The following RBPJ variants were observed in gnomAD, a reference collection of about 807,000 sequenced individuals.
The protein encoded by RBPJ is recombining binding protein suppressor of hairless.
RBPJ carries 9 observed loss-of-function variants against 67.8 expected under a neutral mutation model. The observed-to-expected ratio is 0.13, with a 90% CI of 0.08 to 0.23. The LOEUF (loss-of-function observed/expected upper bound fraction) is 0.23, where lower values mean the gene tolerates loss of function less well. Among genes scored for constraint, RBPJ ranks in the 10% least tolerant of loss-of-function variants. The pLI is 1.00. For missense variants in RBPJ, 305 were observed against 595.6 expected (o/e 0.51, Z 5.08); for synonymous variants, 198 against 203.3 (o/e 0.97, Z 0.22).
chr4:26,231,632 G>T lies in RBPJ; in HGVS notation c.-167+68018G>T, dbSNP rs570192818. Among the ~76,000 whole-genome samples, 8 of 151,730 alleles carry T rather than the reference G, an allele frequency of 5.3e-5. No individual in the cohort carries two copies. The South Asian group carries it at 1.3e-3, about 24-fold the overall frequency. On this transcript the variant is annotated intron_variant, in intron 1 of 4. Transcript: ENST00000512351. Reference sequence around the variant, plus strand: ...TCACCATGTTGGCCAGGCTAGTCTCGAATGCCTGACCTCAAGTGATCTGCC... The same window carrying T: ...TCACCATGTTGGCCAGGCTAGTCTCTAATGCCTGACCTCAAGTGATCTGCC...
At position 26,233,596 on chromosome 4, in the gene RBPJ, T is replaced by C. The variant is rs184959927; in HGVS notation, c.-167+69982T>C. Among the ~76,000 whole-genome samples the C allele has an allele frequency of 2.0e-5, 3 of 152,342 alleles. No homozygotes were observed. In the East Asian group the frequency reaches 5.8e-4, roughly 29 times the overall value. On this transcript the variant is annotated intron_variant, in intron 1 of 4. Coordinates refer to the RBPJ transcript ENST00000512351. ...TGATTTCTCCCAGTGTCGTTATTAT[T>C]GGGATCCTTAGTACCTTCACCATTG... is the stretch of plus-strand genomic sequence containing the variant.
intron 1 of RBPJ, among the ~76,000 whole-genome samples, chr4:26,322,486 A>G (rs1028080170): frequency 6.6e-6 from 1 of 152,132 alleles, no homozygotes; most frequent in African/African-American, 2.4e-5. Context: ...GATAGTTTAC[A>G]GTTATGTGCT....
chr4:26,308,943 T>C (rs1722336591), intron 1 of RBPJ, among the ~76,000 whole-genome samples: 1 of 152,178 alleles, frequency 6.6e-6, no homozygotes, highest in Non-Finnish European at 1.5e-5. Context: ...GTAACCACAG[T>C]CAAAATTTTA....
rs139433898 is a variant in RBPJ, at chr4:26,432,080, G to C, written c.*1073G>C. On this transcript the variant is annotated 3_prime_UTR_variant, in exon 11 of 11. Transcript: ENST00000355476. ...AAGTTAAACATTTTATTTTGAACTT[G>C]GAATGTTCCCAGTGATTTCATTCAG... is the stretch of plus-strand genomic sequence containing the variant. 1 of 152,134 alleles carries C rather than the reference G, an allele frequency of 6.6e-6. No homozygotes were observed. Among genetic ancestry groups the C allele is most frequent in the Non-Finnish European group, 1.5e-5 (1 of 68,016 alleles). The allele number at this position is 152,134 out of a possible 1,614,324, so 9.4% of individuals were successfully genotyped here.
intron 1 of RBPJ, among the ~76,000 whole-genome samples, chr4:26,233,225 C>T (rs544636141): frequency 5.9e-5 from 9 of 152,148 alleles, no homozygotes; most frequent in Non-Finnish European, 1.0e-4. Flanking sequence ...ATGTATGGAG[C>T]TATAAATTAA....
At chr4:26,418,782 C>T (rs1734837248) in intron 4 of RBPJ, among the ~76,000 whole-genome samples, 1 of 152,082 alleles carries the variant, frequency 6.6e-6, no homozygotes, top group Non-Finnish European at 1.5e-5. Flanking sequence ...ACATTGATAC[C>T]CATTTTCATA....
intron 1 of RBPJ, among the ~76,000 whole-genome samples, chr4:26,328,749 C>T (rs545715690): frequency 1.3e-5 from 2 of 152,312 alleles, no homozygotes; most frequent in Admixed American, 1.3e-4. Context: ...CTGCCTCACC[C>T]TCCCCAGTTG....
intron 1 of RBPJ, among the ~76,000 whole-genome samples, chr4:26,242,913 T>A (rs1309240309): frequency 1.3e-5 from 2 of 152,062 alleles, no homozygotes; most frequent in African/African-American, 4.8e-5. Flanking sequence ...ACTTTTGCAA[T>A]TATTAGAATT....
chr4:26,367,054 G>A (rs1425194520), intron 1 of RBPJ, among the ~76,000 whole-genome samples: 5 of 151,946 alleles, frequency 3.3e-5, no homozygotes. Context: ...AACCTTGGAG[G>A]TGGAGGTTGC....
At chr4:26,298,553 T>C (rs536673391) in intron 1 of RBPJ, among the ~76,000 whole-genome samples, 1 of 152,356 alleles carries the variant, frequency 6.6e-6, no homozygotes, top group East Asian at 1.9e-4. Context: ...CTAAACTCTT[T>C]ACAGTAAGTG....
At chr4:26,398,644 C>T (rs532819394) in intron 2 of RBPJ, among the ~76,000 whole-genome samples, 11 of 152,228 alleles carry the variant, frequency 7.2e-5, no homozygotes, top group East Asian at 5.8e-4. Flanking sequence ...AACAGAGTCT[C>T]GCTCTGTCGC....
At chr4:26,191,366 T>G (rs1717540155) in intron 1 of RBPJ, among the ~76,000 whole-genome samples, 1 of 150,842 alleles carries the variant, frequency 6.6e-6, no homozygotes, top group Admixed American at 6.6e-5. Flanking sequence ...AGAGAACAAC[T>G]GCAGCTCCAC....
chr4:26,346,026 C>T (rs1312389653), intron 1 of RBPJ, among the ~76,000 whole-genome samples: 1 of 152,136 alleles, frequency 6.6e-6, no homozygotes, highest in Admixed American at 6.5e-5. Flanking sequence ...AAAACACACA[C>T]ACACACACAA....
intron 1 of RBPJ, among the ~76,000 whole-genome samples, chr4:26,371,490 A>G (rs968121559): frequency 6.6e-6 from 1 of 151,854 alleles, no homozygotes; most frequent in Non-Finnish European, 1.5e-5. Flanking sequence ...AGCCTAAAAT[A>G]TTGAGTGTGC....
intron 1 of RBPJ, among the ~76,000 whole-genome samples, chr4:26,342,235 A>G (rs1725610677): frequency 2.0e-5 from 3 of 148,930 alleles, no homozygotes; most frequent in South Asian, 2.1e-4. Context: ...GAGTATATAC[A>G]TTAGTACAAA....
intron 1 of RBPJ, among the ~76,000 whole-genome samples, chr4:26,193,489 T>C (rs972299025): frequency 3.4e-5 from 5 of 145,460 alleles, no homozygotes; most frequent in African/African-American, 2.8e-5. Flanking sequence ...TCGGTGTCAA[T>C]TTTTTTTTTA....
Position 26,177,502 on chromosome 4 carries a change from G to A in RBPJ, c.-167+13888G>A, listed in dbSNP as rs146437955. ...TGAGGTGGGAGGATCGCTTGAACCC[G>A]AGAGGTGGAGGTTGCAGTGAGCCAA... On this transcript the variant is annotated intron_variant, in intron 1 of 4. Transcript: ENST00000512351. Among the ~76,000 whole-genome samples the A allele has an allele frequency of 6.3e-3, 960 of 152,160 alleles. 6 individuals carry two copies. Among genetic ancestry groups the A allele is most frequent in the African/African-American group, 0.022 (906 of 41,486 alleles).
At chr4:26,320,738 GAT>G, upstream of RBPJ, 1 of 1,551,418 alleles carries the variant, frequency 6.4e-7, no homozygotes, top group South Asian at 1.2e-5. Context: ...CTAAAACCCG[GAT>G]AACCGGAGCG....
chr4:26,107,669 G>T, the RBPJ span, among the ~76,000 whole-genome samples: 1 of 152,204 alleles, frequency 6.6e-6, no homozygotes, highest in South Asian at 2.1e-4. Context: ...AGGCCAAGGT[G>T]GGGGAATCAC....
Sources: allele counts gnomAD v4.1 joint callset (sites outside exome capture counted in the v4.1 genomes callset), GRCh38; gene constraint gnomAD v4.1.1; transcripts MANE v1.5; gene names NCBI Gene and HGNC (gene_info 2026-07-23, HGNC 2026-07-21).